RTTN: variants seen among roughly 807,000 people sequenced by gnomAD.
RTTN encodes the protein rotatin.
In RTTN, 182 loss-of-function variants were observed where a neutral mutation model predicts 269.2. That is an observed-to-expected ratio of 0.68 (90% confidence interval 0.60 to 0.76). The LOEUF (loss-of-function observed/expected upper bound fraction) is 0.76, where lower values mean the gene tolerates loss of function less well. Ranked by LOEUF, RTTN falls within the 30% of genes least tolerant of loss-of-function variation. The pLI is 0.00. For synonymous variants in RTTN, 1,006 were observed against 963.5 expected (o/e 1.04, Z -0.82); for missense variants, 2,545 against 2,608.6 (o/e 0.98, Z 0.53).
intron 34 of RTTN, 119 bp from the exon 35 acceptor site, chr18:70,066,041 G>A: frequency 3.8e-6 from 2 of 522,902 alleles, no homozygotes; most frequent in Admixed American, 3.7e-5. Flanking sequence ...TACTAGTTAG[G>A]ATAACTAGAA....
At chr18:70,084,660 C>T (rs2058656928) in intron 32 of RTTN, among the ~76,000 whole-genome samples, 1 of 151,186 alleles carries the variant, frequency 6.6e-6, no homozygotes, top group Non-Finnish European at 1.5e-5. Flanking sequence ...GGAAGAAAAT[C>T]TGAGTTTATT....
intron 14 of RTTN, among the ~76,000 whole-genome samples, chr18:70,154,671 AGTCTTTAC>A (rs1359546068): frequency 7.9e-5 from 12 of 152,078 alleles, no homozygotes; most frequent in African/African-American, 2.9e-4. Flanking sequence ...TCTTCCCTGT[AGTCTTTAC>A]AGCCTTTGGT....
intron 28 of RTTN, among the ~76,000 whole-genome samples, chr18:70,102,234 G>A (rs932245367): frequency 6.6e-6 from 1 of 152,148 alleles, no homozygotes; most frequent in Non-Finnish European, 1.5e-5. Context: ...GGTCTCTAAG[G>A]ACTTGCTTTA....
In RTTN at chr18:70,093,909, G is replaced by A. The variant is rs148462506; in HGVS notation, c.3904-1105C>T. On this transcript the variant is annotated intron_variant, in intron 28 of 48. Transcript: ENST00000640769. ...CCTCTTTGTACCTCTAGTAGAATTC[G>A]GCTATGAATCCCTCTGGTCCTTTTC... 5.8e-3 allele frequency among the ~76,000 whole-genome samples: 883 copies of A among 152,242 alleles called. 6 individuals carry two copies. The highest frequency in any genetic ancestry group is 0.017 in the South Asian group (82 of 4,816).
At chr18:70,036,711 C>T (rs2057183825) in intron 40 of RTTN, among the ~76,000 whole-genome samples, 1 of 152,150 alleles carries the variant, frequency 6.6e-6, no homozygotes, top group Admixed American at 6.5e-5. Flanking sequence ...AAAGAATCGG[C>T]TGGGTGAGTG....
chr18:70,078,653 G>A (rs2058487074), intron 32 of RTTN, among the ~76,000 whole-genome samples: 1 of 151,872 alleles, frequency 6.6e-6, no homozygotes, highest in Non-Finnish European at 1.5e-5. Flanking sequence ...AGATGAGTTG[G>A]TCCTGGAAGC....
intron 4 of RTTN, among the ~76,000 whole-genome samples, chr18:70,200,486 C>G (rs1460364614): frequency 6.6e-6 from 1 of 152,180 alleles, no homozygotes; most frequent in Admixed American, 6.5e-5. Flanking sequence ...CTTCAGATGT[C>G]TCTCATCTTG....
At chr18:70,021,336 C>A (rs1037234191) in intron 44 of RTTN, among the ~76,000 whole-genome samples, 10 of 152,070 alleles carry the variant, frequency 6.6e-5, no homozygotes, top group African/African-American at 2.4e-4. Flanking sequence ...CATCTACAGG[C>A]TTTCCAGGGT....
intron 23 of RTTN, among the ~76,000 whole-genome samples, chr18:70,132,549 C>A (rs909700737): frequency 1.3e-5 from 2 of 151,658 alleles, no homozygotes; most frequent in Non-Finnish European, 2.9e-5. Context: ...CTAAACAACC[C>A]TTGCATCAAT....
chr18:70,029,567 C>T (rs148721574), intron 42 of RTTN, among the ~76,000 whole-genome samples: 12 of 152,048 alleles, frequency 7.9e-5, no homozygotes, highest in Admixed American at 2.0e-4. Flanking sequence ...CCATCAATTA[C>T]CAGTTGTGTG....
chr18:70,113,937 G>C (rs2059539139), intron 27 of RTTN, among the ~76,000 whole-genome samples: 1 of 152,086 alleles, frequency 6.6e-6, no homozygotes, highest in Non-Finnish European at 1.5e-5. Flanking sequence ...CTTCTCTTGG[G>C]GTGATGATAA....
At chr18:70,192,669 C>CAA (rs11313917) in intron 8 of RTTN, among the ~76,000 whole-genome samples, 19 of 89,832 alleles carry the variant, frequency 2.1e-4, no homozygotes, top group East Asian at 6.5e-4. Context: ...GACCTTGTCT[C>CAA]AAAAAAAAAA....
At chr18:70,041,284 T>G (rs1267624455) in intron 40 of RTTN, among the ~76,000 whole-genome samples, 1 of 148,820 alleles carries the variant, frequency 6.7e-6, no homozygotes, top group African/African-American at 2.5e-5. Flanking sequence ...GGGAGCAGGG[T>G]TGGGTCGGAG....
chr18:70,086,732 A>T (rs1191200103), intron 31 of RTTN, 48 bp from the exon 32 acceptor site: 2 of 1,309,008 alleles, frequency 1.5e-6, no homozygotes, highest in East Asian at 5.1e-5. Flanking sequence ...AAAAAAAAAA[A>T]AGGTCAATAC....
At chr18:70,181,759 T>C (rs1036453247) in intron 10 of RTTN, among the ~76,000 whole-genome samples, 3 of 152,236 alleles carry the variant, frequency 2.0e-5, no homozygotes, top group African/African-American at 7.2e-5. Context: ...GAAATTTTAC[T>C]TGTTTGCTTC....
chr18:70,199,519 G>C lies in RTTN; in HGVS notation c.488-15C>G, dbSNP rs182610959. The C allele has an allele frequency of 1.9e-6, 3 of 1,540,886 alleles. No homozygotes were observed. Among genetic ancestry groups the C allele is most frequent in the Non-Finnish European group, 2.7e-6 (3 of 1,114,404 alleles). On this transcript the variant is annotated splice_polypyrimidine_tract_variant and intron_variant, in intron 4 of 48. Transcript: ENST00000640769. ...AGTCTGATTTACTGTCAGTGAAAGA[G>C]CAAATCTTATGGTATCAAAGAATAA... is the stretch of plus-strand genomic sequence containing the variant.
chr18:70,017,294 CA>C, intron 46 of RTTN, 112 bp downstream of exon 46: 1 of 1,045,616 alleles, frequency 9.6e-7, no homozygotes, highest in Non-Finnish European at 1.4e-6. Flanking sequence ...GTGCTTTGAA[CA>C]CAGTGGGTGC....
At chr18:70,177,654 T>C (rs2061334998) in intron 10 of RTTN, among the ~76,000 whole-genome samples, 2 of 151,864 alleles carry the variant, frequency 1.3e-5, no homozygotes, top group South Asian at 2.1e-4. Flanking sequence ...CAATTTTCCA[T>C]TGAAAACATA....
At chr18:70,142,226 A>G (rs1365880352) in intron 19 of RTTN, 62 bp downstream of exon 19, 1 of 1,099,168 alleles carries the variant, frequency 9.1e-7, no homozygotes, top group African/African-American at 1.5e-5. Context: ...TGCCAGTACC[A>G]TATGGCAATC....
Sources: allele counts gnomAD v4.1 joint callset (sites outside exome capture counted in the v4.1 genomes callset), GRCh38; gene constraint gnomAD v4.1.1; transcripts MANE v1.5; gene names NCBI Gene and HGNC (gene_info 2026-07-23, HGNC 2026-07-21).